MBTPS1: variants seen among roughly 807,000 people sequenced by gnomAD.
The protein encoded by MBTPS1 is membrane bound transcription factor peptidase, site 1.
A neutral mutation model predicts 127.8 loss-of-function variants in MBTPS1; 94 were observed. The ratio of observed to expected loss-of-function variants is 0.74; its 90% confidence interval spans 0.62 to 0.87. MBTPS1 has a LOEUF of 0.87. Ranked by LOEUF, MBTPS1 falls within the 40% of genes least tolerant of loss-of-function variation. The pLI is 0.00. For missense variants in MBTPS1, 1,636 were observed against 1,353.2 expected (o/e 1.21, Z -3.28); for synonymous variants, 632 against 509.4 (o/e 1.24, Z -3.24).
At chr16:84,102,882 A>C (rs1312571065) in intron 1 of MBTPS1, among the ~76,000 whole-genome samples, 1 of 152,204 alleles carries the variant, frequency 6.6e-6, no homozygotes, top group Non-Finnish European at 1.5e-5. Context: ...TACTGTCCTG[A>C]AATTTATTTT....
chr16:84,065,738 T>C lies in MBTPS1; in HGVS notation c.2383A>G (p.Lys795Glu), dbSNP rs1485054364. 1.2e-6 allele frequency: 2 copies of C among 1,611,224 alleles called. No individual in the cohort carries two copies. The highest frequency in any genetic ancestry group is 1.7e-6 in the Non-Finnish European group (2 of 1,179,158). ...MYYASGCSIA[K>E]FPEDGVVITQ... ...ATCACGACGCCATCTTCTGGAAACTTCGCGATGCTGCACCCTGACGCATAA... is the reference window on the plus strand; with the variant it reads ...ATCACGACGCCATCTTCTGGAAACTCCGCGATGCTGCACCCTGACGCATAA... The change falls in exon 18 of 23, where the codon AAG becomes GAG. Residue 795 changes from lysine to glutamate, a missense_variant. Physicochemically the swap from Lys to Glu is moderately conservative, Grantham distance 56. Coordinates refer to ENST00000343411, the MANE Select transcript of MBTPS1 (RefSeq NM_003791.4).
At chr16:84,114,879 T>C (rs1252094087) in intron 1 of MBTPS1, among the ~76,000 whole-genome samples, 2 of 150,698 alleles carry the variant, frequency 1.3e-5, no homozygotes, top group African/African-American at 4.9e-5. Flanking sequence ...TCCGCAGCAC[T>C]GATGGCAGCA....
Position 84,066,538 on chromosome 16 carries a change from C to A in MBTPS1, c.2304G>T (p.Gly768=). The change falls in exon 17 of 23, where the codon GGG becomes GGT. Residue 768 remains glycine (G), a synonymous_variant. Transcript: ENST00000343411. ...CCCCTTCATACAGGCCATCGCTGAACCCCATGTTCCACACAGACAGCAGCT... is the reference window on the plus strand; with the variant it reads ...CCCCTTCATACAGGCCATCGCTGAAACCCATGTTCCACACAGACAGCAGCT... ...LNELLSVWNM[G]FSDGLYEGEF... 2 of 1,614,164 alleles carry A rather than the reference C, an allele frequency of 1.2e-6. No homozygotes were observed. Among genetic ancestry groups the A allele is most frequent in the African/African-American group, 1.3e-5 (1 of 75,042 alleles).
chr16:84,068,799 A>G (rs2085728024), intron 14 of MBTPS1, among the ~76,000 whole-genome samples: 1 of 152,254 alleles, frequency 6.6e-6, no homozygotes. Flanking sequence ...AGAAGAGCTT[A>G]GCAAATAGCC....
chr16:84,074,131 G>A (rs1387606286), intron 12 of MBTPS1, among the ~76,000 whole-genome samples: 1 of 152,148 alleles, frequency 6.6e-6, no homozygotes, highest in Non-Finnish European at 1.5e-5. Flanking sequence ...AAGCAAAAAA[G>A]TAAAATTGGT....
At chr16:84,076,624 T>C (rs529103508) in intron 11 of MBTPS1, among the ~76,000 whole-genome samples, 1 of 152,230 alleles carries the variant, frequency 6.6e-6, no homozygotes, top group South Asian at 2.1e-4. Context: ...AGAAATAAAA[T>C]CAACCAGTTA....
chr16:84,096,717 T>C (rs1465932545), intron 3 of MBTPS1, among the ~76,000 whole-genome samples: 2 of 152,214 alleles, frequency 1.3e-5, no homozygotes, highest in Non-Finnish European at 2.9e-5. Context: ...TGGAAACACA[T>C]ACAGTCACGT....
chr16:84,071,637 T>C (rs990026391), intron 12 of MBTPS1, among the ~76,000 whole-genome samples: 1 of 152,126 alleles, frequency 6.6e-6, no homozygotes, highest in African/African-American at 2.4e-5. Context: ...TAAAAATTAG[T>C]AGAAAAATAA....
At chr16:84,082,495 G>A (rs1186918197) in intron 10 of MBTPS1, among the ~76,000 whole-genome samples, 9 of 152,194 alleles carry the variant, frequency 5.9e-5, no homozygotes, top group Non-Finnish European at 1.3e-4. Flanking sequence ...CCATGAGAAT[G>A]CATCTGAACA....
intron 20 of MBTPS1, chr16:84,060,406 G>C (rs1006868029): frequency 2.3e-5 from 8 of 354,314 alleles, no homozygotes; most frequent in Non-Finnish European, 4.2e-5. Context: ...CTGTGAGAGC[G>C]GGACGGTAAA....
chr16:84,089,092 G>A (rs556126734), intron 8 of MBTPS1, among the ~76,000 whole-genome samples: 2 of 152,370 alleles, frequency 1.3e-5, no homozygotes, highest in South Asian at 4.1e-4. Flanking sequence ...AAAGAGCTGG[G>A]AATCCAGACA....
chr16:84,105,567 G>C (rs1013459801), intron 1 of MBTPS1, among the ~76,000 whole-genome samples: 12 of 152,116 alleles, frequency 7.9e-5, no homozygotes, highest in Admixed American at 6.6e-4. Flanking sequence ...AGCATCCCAA[G>C]CGTGGCAACA....
intron 11 of MBTPS1, 154 bp downstream of exon 11, chr16:84,081,593 C>A (rs931778441): frequency 2.1e-6 from 1 of 477,626 alleles, no homozygotes; most frequent in African/African-American, 2.0e-5. Context: ...CAGCAGCACC[C>A]TGTAGAAGCA....
intron 8 of MBTPS1, among the ~76,000 whole-genome samples, chr16:84,088,501 C>A (rs1470368996): frequency 6.6e-6 from 1 of 152,200 alleles, no homozygotes; most frequent in Non-Finnish European, 1.5e-5. Context: ...GAAACTCCCA[C>A]TGAAGTTGAC....
At chr16:84,107,767 C>A (rs2086344462) in intron 1 of MBTPS1, among the ~76,000 whole-genome samples, 3 of 150,670 alleles carry the variant, frequency 2.0e-5, no homozygotes, top group African/African-American at 7.3e-5. Context: ...GACAGTGGCA[C>A]AATCATGGTT....
chr16:84,090,340 G>A (rs1227316140), intron 8 of MBTPS1, among the ~76,000 whole-genome samples: 10 of 152,164 alleles, frequency 6.6e-5, no homozygotes, highest in Non-Finnish European at 1.5e-4. Context: ...CTGTGACACT[G>A]TCCTCCCTGC....
At chr16:84,075,046 G>A (rs2875855) in intron 11 of MBTPS1, 26,014 of 196,384 alleles carry the variant, frequency 0.13, 1,986 homozygotes, top group Non-Finnish European at 0.18. Flanking sequence ...TGGAAACTTG[G>A]ACTTGAGTCT....
At chr16:84,064,209 G>A (rs1230681899) in intron 18 of MBTPS1, among the ~76,000 whole-genome samples, 1 of 151,696 alleles carries the variant, frequency 6.6e-6, no homozygotes, top group Non-Finnish European at 1.5e-5. Flanking sequence ...TATTGTCCGT[G>A]TTGATAACAT....
At chr16:84,059,040 C>G (rs1412485774) in intron 21 of MBTPS1, among the ~76,000 whole-genome samples, 4 of 152,230 alleles carry the variant, frequency 2.6e-5, no homozygotes, top group African/African-American at 9.7e-5. Context: ...TGAAATCACT[C>G]TGTTGGATCC....
Sources: gnomAD v4.1 joint callset for allele counts (sites outside exome capture counted in the v4.1 genomes callset) on GRCh38, gnomAD v4.1.1 for gene constraint, MANE v1.5 for transcripts, NCBI Gene and HGNC (gene_info 2026-07-23, HGNC 2026-07-21) for gene names.